The following UBAC2 variants were observed in gnomAD, a reference collection of about 807,000 sequenced individuals.
UBAC2 encodes ubiquitin-associated domain-containing protein 2.
Under a neutral mutation model 44.0 loss-of-function variants are expected in UBAC2, and 26 were observed. That is an observed-to-expected ratio of 0.59 (90% CI 0.43 to 0.82). UBAC2 has a LOEUF of 0.82. UBAC2 is among the 40% of genes least tolerant of loss of function. The pLI is 0.00. For missense variants in UBAC2, 329 were observed against 419.4 expected (o/e 0.78, Z 1.88); for synonymous variants, 155 against 154.3 (o/e 1.00, Z -0.04).
At chr13:99,355,700 C>T (rs1011827259) in intron 7 of UBAC2, among the ~76,000 whole-genome samples, 3 of 152,238 alleles carry the variant, frequency 2.0e-5, no homozygotes, top group Non-Finnish European at 2.9e-5. Context: ...GGGTCAGTCA[C>T]GTTTTCAAAA....
At chr13:99,364,486 C>T (rs1015657966) in intron 7 of UBAC2, among the ~76,000 whole-genome samples, 1 of 151,478 alleles carries the variant, frequency 6.6e-6, no homozygotes, top group African/African-American at 2.4e-5. Context: ...CTCATAATGG[C>T]CTTGTCTAGT....
intron 7 of UBAC2, among the ~76,000 whole-genome samples, chr13:99,341,647 G>C (rs2044890724): frequency 1.3e-5 from 2 of 152,158 alleles, no homozygotes; most frequent in South Asian, 4.1e-4. Flanking sequence ...AGAGCTGAGA[G>C]CCGAAAGCAA....
At chr13:99,223,123 C>T (rs750961981) in intron 1 of UBAC2, among the ~76,000 whole-genome samples, 12 of 151,994 alleles carry the variant, frequency 7.9e-5, no homozygotes, top group South Asian at 2.1e-4. Flanking sequence ...AATTTATGGG[C>T]GTAAAGTATT....
At chr13:99,227,070 T>C (rs2043118100) in intron 1 of UBAC2, among the ~76,000 whole-genome samples, 1 of 151,860 alleles carries the variant, frequency 6.6e-6, no homozygotes, top group Admixed American at 6.6e-5. Context: ...TGGTGGTGCA[T>C]GCCTGTAATC....
At position 99,262,045 on chromosome 13, in the gene UBAC2, G is replaced by A. The variant is rs75686119; in HGVS notation, c.389+17421G>A. On this transcript the variant is annotated intron_variant, in intron 4 of 8. Transcript: ENST00000403766. ...GCAGGATGAAATCTCTCACTGTCCCGCTCCTTCCTCCCCAGGACATGAGTC... is the reference window on the plus strand; with the variant it reads ...GCAGGATGAAATCTCTCACTGTCCCACTCCTTCCTCCCCAGGACATGAGTC... Among the ~76,000 whole-genome samples, 41 of 152,228 alleles carry A rather than the reference G, an allele frequency of 2.7e-4. No homozygotes were observed. The East Asian group carries it at 7.3e-3, about 27-fold the overall frequency.
chr13:99,219,006 AACTTTATGAGAAAGTT>A (rs1699850335), intron 1 of UBAC2, among the ~76,000 whole-genome samples: 1 of 152,180 alleles, frequency 6.6e-6, no homozygotes, highest in South Asian at 2.1e-4. Flanking sequence ...TCTGATGAAA[AACTTTATGAGAAAGTT>A]ACTTTATGAG....
In UBAC2 at chr13:99,385,846, C is replaced by T. The variant is rs901949755; in HGVS notation, c.*511C>T. 1.2e-5 allele frequency: 2 copies of T among 160,778 alleles called. No homozygotes were observed. The highest frequency in any genetic ancestry group is 2.8e-5 in the Non-Finnish European group (2 of 72,202). The allele number at this position is 160,778 out of a possible 1,614,324, so 10.0% of individuals were successfully genotyped here. ...AGAAACAGGGAGCTGAATCCTCCCC[C>T]AAGCTGTTCCAGGCCAGAGGACTCT... On this transcript the variant is annotated 3_prime_UTR_variant, in exon 9 of 9. Transcript: ENST00000403766.
intron 4 of UBAC2, chr13:99,308,549 G>A (rs1046375851): frequency 2.0e-5 from 3 of 152,194 alleles, no homozygotes; most frequent in Non-Finnish European, 4.4e-5. Context: ...AGATGCTTGA[G>A]TAAACTTGAT....
chr13:99,283,634 A>C (rs1223772270), intron 4 of UBAC2, among the ~76,000 whole-genome samples: 2 of 150,724 alleles, frequency 1.3e-5, no homozygotes, highest in African/African-American at 4.9e-5. Context: ...AGTGACGGCT[A>C]CTTAAGTGGC....
intron 2 of UBAC2, among the ~76,000 whole-genome samples, chr13:99,243,419 A>G (rs1232692721): frequency 6.6e-6 from 1 of 152,142 alleles, no homozygotes; most frequent in Non-Finnish European, 1.5e-5. Context: ...TCAGAAATGC[A>G]TATTTTTGAG....
chr13:99,357,699 A>G (rs1163930913), intron 7 of UBAC2, among the ~76,000 whole-genome samples: 3 of 152,146 alleles, frequency 2.0e-5, no homozygotes, highest in African/African-American at 7.2e-5. Context: ...AGAGGATGCT[A>G]TGTCCATGAA....
intron 7 of UBAC2, among the ~76,000 whole-genome samples, chr13:99,365,074 A>G (rs2045313333): frequency 6.6e-6 from 1 of 152,242 alleles, no homozygotes; most frequent in Non-Finnish European, 1.5e-5. Flanking sequence ...AATAAGTTAT[A>G]CTTTTCTAGA....
chr13:99,242,817 G>T (rs1296777997), intron 2 of UBAC2, among the ~76,000 whole-genome samples: 5 of 142,948 alleles, frequency 3.5e-5, no homozygotes, highest in African/African-American at 7.9e-5. Flanking sequence ...GGGCGGAGGG[G>T]CTCCTCACTT....
At chr13:99,303,181 G>T (rs138764148) in intron 4 of UBAC2, among the ~76,000 whole-genome samples, 1 of 152,324 alleles carries the variant, frequency 6.6e-6, no homozygotes, top group Non-Finnish European at 1.5e-5. Context: ...ACCAAGTACA[G>T]AGAACTTCTT....
chr13:99,384,776 G>C (rs2045597515), intron 8 of UBAC2, among the ~76,000 whole-genome samples: 1 of 152,162 alleles, frequency 6.6e-6, no homozygotes, highest in Non-Finnish European at 1.5e-5. Context: ...TGATGCCAGG[G>C]CTGAGCGTGG....
chr13:99,310,559 T>G (rs796831997), intron 4 of UBAC2, among the ~76,000 whole-genome samples: 6 of 152,304 alleles, frequency 3.9e-5, no homozygotes, highest in African/African-American at 1.4e-4. Context: ...TTTTGTGAAG[T>G]CTGTGTGTGT....
At chr13:99,383,151 CAT>C (rs1491331700) in intron 8 of UBAC2, among the ~76,000 whole-genome samples, 2 of 152,204 alleles carry the variant, frequency 1.3e-5, no homozygotes, top group African/African-American at 2.4e-5. Context: ...TAGTAGTGTG[CAT>C]GTGTGTGTGT....
At chr13:99,219,719 A>G (rs762908875) in intron 1 of UBAC2, among the ~76,000 whole-genome samples, 13 of 152,332 alleles carry the variant, frequency 8.5e-5, no homozygotes, top group Middle Eastern at 6.8e-3. Flanking sequence ...GTCATGCCCT[A>G]TTACCTTCTC....
chr13:99,225,253 C>T (rs2142696741), intron 1 of UBAC2, among the ~76,000 whole-genome samples: 1 of 152,322 alleles, frequency 6.6e-6, no homozygotes, highest in Middle Eastern at 3.4e-3. Context: ...TAACTCTTCT[C>T]ATCTTGCAGA....
Sources: gnomAD v4.1 joint callset for allele counts (sites outside exome capture counted in the v4.1 genomes callset) on GRCh38, gnomAD v4.1.1 for gene constraint, MANE v1.5 for transcripts, NCBI Gene and HGNC (gene_info 2026-07-23, HGNC 2026-07-21) for gene names.